MPPED2: variants seen among roughly 807,000 people sequenced by gnomAD.
MPPED2 encodes metallophosphoesterase domain containing 2.
MPPED2 carries 5 observed loss-of-function variants against 33.0 expected under a neutral mutation model. The ratio of observed to expected loss-of-function variants is 0.15; its 90% confidence interval spans 0.08 to 0.32. MPPED2 has a LOEUF of 0.32. MPPED2 is among the 10% of genes least tolerant of loss of function. The pLI is 1.00. For missense variants in MPPED2, 275 were observed against 372.1 expected (o/e 0.74, Z 2.15); for synonymous variants, 136 against 141.9 (o/e 0.96, Z 0.29).
At chr11:30,435,379 T>C (rs553428) in intron 4 of MPPED2, among the ~76,000 whole-genome samples, 90,642 of 152,034 alleles carry the variant, frequency 0.6, 28,335 homozygotes, top group African/African-American at 0.81. Context: ...CCTTTTTCAA[T>C]AAACGGAAAT....
At chr11:30,577,381 A>G (rs187984995) in intron 2 of MPPED2, among the ~76,000 whole-genome samples, 3 of 152,336 alleles carry the variant, frequency 2.0e-5, no homozygotes, top group African/African-American at 7.2e-5. Context: ...AGGGGTCTTC[A>G]GAAATCTCAA....
chr11:30,459,602 G>A (rs557948748), intron 4 of MPPED2, among the ~76,000 whole-genome samples: 96 of 152,300 alleles, frequency 6.3e-4, no homozygotes, highest in African/African-American at 2.3e-3. Flanking sequence ...AAAATATTCA[G>A]TATAGCAGTT....
chr11:30,468,142 C>T (rs965861727), intron 4 of MPPED2, among the ~76,000 whole-genome samples: 1 of 152,020 alleles, frequency 6.6e-6, no homozygotes, highest in Admixed American at 6.6e-5. Context: ...AAGTATTTCT[C>T]TACATATGGT....
chr11:30,506,992 A>G (rs1189275797), intron 3 of MPPED2, among the ~76,000 whole-genome samples: 1 of 152,248 alleles, frequency 6.6e-6, no homozygotes, highest in Non-Finnish European at 1.5e-5. Flanking sequence ...AAATTGAAAA[A>G]GAACATATTT....
intron 4 of MPPED2, among the ~76,000 whole-genome samples, chr11:30,475,996 T>C (rs905505731): frequency 6.6e-6 from 1 of 152,174 alleles, no homozygotes; most frequent in Non-Finnish European, 1.5e-5. Flanking sequence ...CCATGACTAA[T>C]GTTTTTTAAC....
chr11:30,483,975 G>A (rs947230914), intron 4 of MPPED2, among the ~76,000 whole-genome samples: 8 of 152,168 alleles, frequency 5.3e-5, no homozygotes, highest in African/African-American at 1.4e-4. Flanking sequence ...TGTACATAAT[G>A]TATAAAAGAA....
downstream of MPPED2, among the ~76,000 whole-genome samples, chr11:30,407,488 G>C (rs1310776625): frequency 6.6e-6 from 1 of 152,234 alleles, no homozygotes; most frequent in Admixed American, 6.5e-5. Context: ...CTTATGAAGA[G>C]AGGCTTGTTA....
chr11:30,386,769 G>A, exon 7 of MPPED2: 1 of 398,454 alleles, frequency 2.5e-6, no homozygotes, highest in South Asian at 1.3e-4. Context: ...ATTATGCTGG[G>A]TGCATAGTCC....
chr11:30,434,212 T>A (rs901366573), intron 4 of MPPED2, among the ~76,000 whole-genome samples: 1 of 152,188 alleles, frequency 6.6e-6, no homozygotes, highest in African/African-American at 2.4e-5. Flanking sequence ...GATGTGGACA[T>A]CTTTAGGGCA....
At chr11:30,394,606 T>G (rs778477994) in intron 6 of MPPED2, among the ~76,000 whole-genome samples, 47 of 152,198 alleles carry the variant, frequency 3.1e-4, no homozygotes, top group Non-Finnish European at 1.5e-5. Context: ...TTTACCCATT[T>G]TTAATTTGGT....
At chr11:30,542,849 C>T (rs1342100468) in intron 2 of MPPED2, among the ~76,000 whole-genome samples, 1 of 152,128 alleles carries the variant, frequency 6.6e-6, no homozygotes, top group East Asian at 1.9e-4. Flanking sequence ...TCTTTCCACC[C>T]ACTTAATTTT....
intron 2 of MPPED2, among the ~76,000 whole-genome samples, chr11:30,577,671 T>C (rs1362284487): frequency 6.6e-6 from 1 of 152,204 alleles, no homozygotes; most frequent in Non-Finnish European, 1.5e-5. Context: ...CCTGACCACC[T>C]ACCATAGGTC....
intron 4 of MPPED2, among the ~76,000 whole-genome samples, chr11:30,480,090 G>T (rs185946210): frequency 6.6e-6 from 1 of 152,078 alleles, no homozygotes; most frequent in Non-Finnish European, 1.5e-5. Flanking sequence ...ATCAGCAAAG[G>T]TCAGGCTGGA....
chr11:30,579,918 G>T (rs1212236585), intron 2 of MPPED2, among the ~76,000 whole-genome samples: 1 of 151,988 alleles, frequency 6.6e-6, no homozygotes, highest in East Asian at 1.9e-4. Context: ...TAGGGGTCAG[G>T]AGTCTCAGGC....
chr11:30,564,510 A>G (rs1956360644), intron 2 of MPPED2, among the ~76,000 whole-genome samples: 2 of 152,164 alleles, frequency 1.3e-5, no homozygotes, highest in African/African-American at 4.8e-5. Context: ...GGTCACATTT[A>G]TGGATAAGAA....
At chr11:30,521,439 C>T (rs973756220) in intron 3 of MPPED2, among the ~76,000 whole-genome samples, 1 of 152,272 alleles carries the variant, frequency 6.6e-6, no homozygotes, top group South Asian at 2.1e-4. Context: ...GACTAACAGC[C>T]AGGCCAGAAA....
chr11:30,558,651 G>A (rs902176441), intron 2 of MPPED2, among the ~76,000 whole-genome samples: 4 of 151,550 alleles, frequency 2.6e-5, no homozygotes, highest in African/African-American at 9.7e-5. Flanking sequence ...CAAACTGCTG[G>A]CCTCAAGTAA....
intron 2 of MPPED2, among the ~76,000 whole-genome samples, chr11:30,572,207 T>C (rs1235359483): frequency 2.0e-5 from 3 of 152,006 alleles, no homozygotes; most frequent in East Asian, 1.9e-4. Flanking sequence ...AACAAACAAA[T>C]AAACAAAAAC....
intron 3 of MPPED2, among the ~76,000 whole-genome samples, chr11:30,509,182 C>CG (rs1953002582): frequency 6.6e-6 from 1 of 152,000 alleles, no homozygotes; most frequent in Non-Finnish European, 1.5e-5. Context: ...TATACAGGGG[C>CG]TTTTTTTACT....
Sources: gnomAD v4.1 joint callset for allele counts (sites outside exome capture counted in the v4.1 genomes callset) on GRCh38, gnomAD v4.1.1 for gene constraint, MANE v1.5 for transcripts, NCBI Gene and HGNC (gene_info 2026-07-23, HGNC 2026-07-21) for gene names.